KAT2B: variants seen among roughly 807,000 people sequenced by gnomAD.
KAT2B encodes histone acetyltransferase KAT2B.
Under a neutral mutation model 105.9 loss-of-function variants are expected in KAT2B, and 36 were observed. That is an observed-to-expected ratio of 0.34 (90% CI 0.26 to 0.45). KAT2B has a LOEUF of 0.45. Ranked by LOEUF, KAT2B falls within the 20% of genes least tolerant of loss-of-function variation. The probability of loss-of-function intolerance (pLI) is 1.00; values close to 1 mark genes in which losing one functional copy is unlikely to be tolerated. For synonymous variants in KAT2B, 397 were observed against 377.9 expected (o/e 1.05, Z -0.59); for missense variants, 820 against 1,021.6 (o/e 0.80, Z 2.69).
intron 1 of KAT2B, among the ~76,000 whole-genome samples, chr3:20,042,411 G>A (rs1270079567): frequency 1.3e-5 from 2 of 152,144 alleles, no homozygotes; most frequent in African/African-American, 2.4e-5. Flanking sequence ...GCAGAAGGGC[G>A]AGCTATGTAC....
chr3:20,091,418 A>T (rs1028966440), intron 2 of KAT2B, among the ~76,000 whole-genome samples: 1 of 151,216 alleles, frequency 6.6e-6, no homozygotes, highest in South Asian at 2.1e-4. Flanking sequence ...AAGTTTGTCC[A>T]TTTTTTTTAT....
At chr3:20,135,102 C>A (rs980610345) in intron 11 of KAT2B, among the ~76,000 whole-genome samples, 1 of 152,130 alleles carries the variant, frequency 6.6e-6, no homozygotes, top group Non-Finnish European at 1.5e-5. Context: ...ATTTTACTAT[C>A]GTCTCCTCAA....
At chr3:20,144,185 G>T (rs1651605289) in intron 13 of KAT2B, among the ~76,000 whole-genome samples, 1 of 136,912 alleles carries the variant, frequency 7.3e-6, no homozygotes, top group Non-Finnish European at 1.5e-5. Context: ...GCATTTGAGA[G>T]TCCCTTGGTG....
At chr3:20,049,895 C>T (rs2125165424) in intron 1 of KAT2B, among the ~76,000 whole-genome samples, 1 of 152,222 alleles carries the variant, frequency 6.6e-6, no homozygotes, top group Admixed American at 6.5e-5. Context: ...AAGAAATTGA[C>T]TGTCTTGAAA....
chr3:20,125,641 C>T (rs1451053540), intron 9 of KAT2B, among the ~76,000 whole-genome samples: 1 of 152,020 alleles, frequency 6.6e-6, no homozygotes, highest in Non-Finnish European at 1.5e-5. Flanking sequence ...CTTTGCTGGC[C>T]CCTAATCTAC....
intron 7 of KAT2B, among the ~76,000 whole-genome samples, chr3:20,116,608 C>T (rs1419073763): frequency 6.6e-6 from 1 of 152,104 alleles, no homozygotes; most frequent in African/African-American, 2.4e-5. Flanking sequence ...CAATTCTCAC[C>T]TCATATTATC....
chr3:20,063,534 CTTTTTTTTTTTTTTTTTTT>C, intron 1 of KAT2B, among the ~76,000 whole-genome samples: 1 of 88,840 alleles, frequency 1.1e-5, no homozygotes, highest in East Asian at 2.8e-4. Context: ...GAGTAGGCCT[CTTTTTTTTTTTTTTTTTTT>C]TTTTTTTTTT....
At chr3:20,086,934 C>T (rs1228339744) in intron 2 of KAT2B, among the ~76,000 whole-genome samples, 2 of 148,990 alleles carry the variant, frequency 1.3e-5, no homozygotes, top group South Asian at 2.2e-4. Context: ...GGCATGTGCC[C>T]CCATGCCTGG....
intron 11 of KAT2B, among the ~76,000 whole-genome samples, chr3:20,132,129 C>G (rs1699521275): frequency 6.6e-6 from 1 of 152,174 alleles, no homozygotes; most frequent in South Asian, 2.1e-4. Flanking sequence ...AATCCCAGCA[C>G]TTTGGGAGGC....
At chr3:20,142,488 C>T (rs1489953789) in intron 13 of KAT2B, among the ~76,000 whole-genome samples, 2 of 151,978 alleles carry the variant, frequency 1.3e-5, no homozygotes, top group Non-Finnish European at 2.9e-5. Context: ...ATGGTGGCAG[C>T]AAAGAAACAG....
At chr3:20,135,749 T>C (rs1464890557) in intron 11 of KAT2B, among the ~76,000 whole-genome samples, 2 of 152,170 alleles carry the variant, frequency 1.3e-5, no homozygotes, top group Non-Finnish European at 2.9e-5. Flanking sequence ...GGTGCTTGGC[T>C]TGGGACTGGG....
At chr3:20,057,188 G>T (rs975143682) in intron 1 of KAT2B, among the ~76,000 whole-genome samples, 5 of 152,184 alleles carry the variant, frequency 3.3e-5, no homozygotes, top group African/African-American at 1.2e-4. Context: ...AACCTTAGGA[G>T]CTGGGAGAAG....
intron 13 of KAT2B, 22 bp from the exon 14 acceptor site, chr3:20,146,294 A>G (rs999139963): frequency 1.4e-6 from 2 of 1,384,702 alleles, no homozygotes; most frequent in Non-Finnish European, 2.1e-6. Flanking sequence ...CCCTAAACAC[A>G]TTTCCTTCCT....
chr3:20,125,725 T>C (rs1176404112), intron 9 of KAT2B, among the ~76,000 whole-genome samples, 180 bp from the exon 10 acceptor site: 1 of 152,220 alleles, frequency 6.6e-6, no homozygotes, highest in Non-Finnish European at 1.5e-5. Flanking sequence ...CTGTCTTGTC[T>C]TCATAACTTG....
intron 2 of KAT2B, among the ~76,000 whole-genome samples, chr3:20,080,705 G>A (rs1035973994): frequency 1.3e-5 from 2 of 152,200 alleles, no homozygotes; most frequent in Admixed American, 1.3e-4. Flanking sequence ...CTAGCCATGT[G>A]TGGCTATTGA....
At chr3:20,151,474 A>C (rs1297361455) in intron 17 of KAT2B, among the ~76,000 whole-genome samples, 1 of 151,862 alleles carries the variant, frequency 6.6e-6, no homozygotes. Context: ...TTATTTTTCC[A>C]CACATAGTTA....
At position 20,070,322 on chromosome 3, in the gene KAT2B, T is replaced by TTTTC. The variant is rs10647897; in HGVS notation, c.304-2010_304-2009insTTCT. 1.1e-3 allele frequency among the ~76,000 whole-genome samples: 157 copies of TTTTC among 145,396 alleles called. 1 individual carries two copies. The highest frequency in any genetic ancestry group is 7.0e-3 in the Middle Eastern group (2 of 284). ...CTTTCTTTCTTTCTTTTTTTTTTTT[T>TTTTC]TGAGATGGAGTCTCGCTCTGTACCC... On this transcript the variant is annotated intron_variant, in intron 1 of 17. Coordinates refer to ENST00000263754, the MANE Select transcript of KAT2B (RefSeq NM_003884.5).
intron 13 of KAT2B, among the ~76,000 whole-genome samples, chr3:20,144,598 T>C (rs1360466745): frequency 7.4e-6 from 1 of 135,278 alleles, no homozygotes; most frequent in Non-Finnish European, 1.6e-5. Flanking sequence ...CAGGTTTCTT[T>C]TTTCTTTTTT....
chr3:20,050,044 A>G (rs1697887708), intron 1 of KAT2B, among the ~76,000 whole-genome samples: 1 of 152,074 alleles, frequency 6.6e-6, no homozygotes, highest in Admixed American at 6.6e-5. Flanking sequence ...TACTAAAAAT[A>G]CAAATATTAG....
Sources: gnomAD v4.1 joint callset for allele counts (sites outside exome capture counted in the v4.1 genomes callset) on GRCh38, gnomAD v4.1.1 for gene constraint, MANE v1.5 for transcripts, NCBI Gene and HGNC (gene_info 2026-07-23, HGNC 2026-07-21) for gene names.